FN1: variants seen among roughly 807,000 people sequenced by gnomAD.
FN1 encodes the protein fibronectin 1.
A neutral mutation model predicts 297.3 loss-of-function variants in FN1; 106 were observed. That is an observed-to-expected ratio of 0.36 (90% CI 0.30 to 0.42). The LOEUF is 0.42. Ranked by LOEUF, FN1 falls within the 10% of genes least tolerant of loss-of-function variation. The pLI is 1.00. For missense variants in FN1, 2,690 were observed against 3,124.9 expected (o/e 0.86, Z 3.32); for synonymous variants, 1,149 against 1,152.6 (o/e 1.00, Z 0.06).
intron 4 of FN1, among the ~76,000 whole-genome samples, chr2:215,431,500 ATTT>A (rs371579153): frequency 6.6e-6 from 1 of 151,458 alleles, no homozygotes; most frequent in Non-Finnish European, 1.5e-5. Flanking sequence ...CCAAAGTGTC[ATTT>A]TTTTTTCTTT....
At chr2:215,368,107 T>C in intron 41 of FN1, 80 bp from the exon 42 acceptor site, 4 of 1,402,848 alleles carry the variant, frequency 2.9e-6, no homozygotes, top group East Asian at 4.7e-5. Flanking sequence ...CGAATGACTG[T>C]ATACAATGAC....
chr2:215,415,111 C>T (rs970436502), intron 12 of FN1, among the ~76,000 whole-genome samples, 153 bp from the exon 13 acceptor site: 9 of 152,126 alleles, frequency 5.9e-5, no homozygotes, highest in Admixed American at 3.9e-4. Context: ...TAAATATTTA[C>T]GTTGAAAATC....
At chr2:215,385,438 T>C (rs1003895681) in intron 28 of FN1, among the ~76,000 whole-genome samples, 1 of 151,696 alleles carries the variant, frequency 6.6e-6, no homozygotes, top group Non-Finnish European at 1.5e-5. Context: ...GGCGGGCACC[T>C]GTAGTCCCAG....
intron 5 of FN1, among the ~76,000 whole-genome samples, chr2:215,430,269 T>A (rs2066263613): frequency 6.6e-6 from 1 of 152,158 alleles, no homozygotes; most frequent in Admixed American, 6.5e-5. Flanking sequence ...CCCAAGACAA[T>A]CTTAGAAGGA....
chr2:215,386,752 C>T lies in FN1; in HGVS notation c.4549G>A (p.Val1517Ile). Residue 1517 changes from valine (V) to isoleucine (I), a missense_variant, in exon 28 of 46, where the codon GTC becomes ATC. By Grantham distance (29) the Val-to-Ile change is conservative. Coordinates refer to ENST00000354785, the MANE Select transcript of FN1 (RefSeq NM_212482.4). Reference sequence around the variant, plus strand: ...CTGCCATTAAGAGCAACGATGCTGACCACATACTCTGTGCCTGGAGTGAGG... The same window carrying T: ...CTGCCATTAAGAGCAACGATGCTGATCACATACTCTGTGCCTGGAGTGAGG... ...TNLTPGTEYV[V>I]SIVALNGREE... 6.2e-7 allele frequency: 1 copy of T among 1,613,798 alleles called. No individual in the cohort carries two copies. Among genetic ancestry groups the T allele is most frequent in the Non-Finnish European group, 8.5e-7 (1 of 1,179,950 alleles).
At chr2:215,390,177 T>G (rs2059553085) in intron 26 of FN1, among the ~76,000 whole-genome samples, 1 of 150,792 alleles carries the variant, frequency 6.6e-6, no homozygotes, top group African/African-American at 2.5e-5. Flanking sequence ...GACGGCTTCA[T>G]GTTTATTTGT....
chr2:215,395,155 C>T (rs2692228), intron 23 of FN1, among the ~76,000 whole-genome samples: 93,612 of 152,044 alleles, frequency 0.62, 29,325 homozygotes, highest in East Asian at 0.89. Flanking sequence ...TATAGAATCG[C>T]TCTCCACCTT....
chr2:215,381,689 G>C (rs2058233602), intron 32 of FN1: 4 of 209,708 alleles, frequency 1.9e-5, no homozygotes, highest in Non-Finnish European at 3.9e-5. Flanking sequence ...GGTCAGGCTG[G>C]TCTCGAACTC....
chr2:215,404,334 T>G (rs572693779), intron 20 of FN1, 55 bp downstream of exon 20: 2 of 1,487,468 alleles, frequency 1.3e-6, no homozygotes, highest in East Asian at 2.2e-5. Context: ...TTTTAAAGCA[T>G]GAAGAATAGA....
chr2:215,365,966 A>ATTTTTTT (rs559516647), intron 42 of FN1, among the ~76,000 whole-genome samples: 19 of 90,326 alleles, frequency 2.1e-4, no homozygotes, highest in African/African-American at 3.3e-4. Context: ...CCACAGTGCT[A>ATTTTTTT]TTTTTTTTTT....
chr2:215,378,161 A>AT lies in FN1; in HGVS notation c.5710+13dup, dbSNP rs2057651555. 6.7e-7 allele frequency: 1 copy of AT among 1,495,592 alleles called. No homozygotes were observed. Among genetic ancestry groups the AT allele is most frequent in the Non-Finnish European group, 9.3e-7 (1 of 1,072,666 alleles). The allele number at this position is 1,495,592 out of a possible 1,614,324, so 92.6% of individuals were successfully genotyped here. On this transcript the variant is annotated intron_variant, in intron 35 of 45. Coordinates refer to ENST00000354785, the MANE Select transcript of FN1 (RefSeq NM_212482.4). ...ACAGAAGGTTTGTCCATATGAAGACATTTTGTTACTTACTCTCCAGAGTGG... is the reference window on the plus strand; with the variant it reads ...ACAGAAGGTTTGTCCATATGAAGACATTTTTGTTACTTACTCTCCAGAGTGG...
chr2:215,377,081 A>AGAGTGTGT (rs939001303), intron 35 of FN1, among the ~76,000 whole-genome samples: 2 of 147,340 alleles, frequency 1.4e-5, no homozygotes, highest in African/African-American at 5.0e-5. Context: ...AGAGAGAGAG[A>AGAGTGTGT]GTGTGTGTGT....
chr2:215,381,429 T>C, intron 32 of FN1: 1 of 350,398 alleles, frequency 2.9e-6, no homozygotes, highest in Non-Finnish European at 5.4e-6. Context: ...ACCTTGGAAG[T>C]GGTAAAGCTG....
At chr2:215,401,197 G>GA (rs1296600463) in intron 20 of FN1, among the ~76,000 whole-genome samples, 39 of 77,670 alleles carry the variant, frequency 5.0e-4, no homozygotes, top group African/African-American at 2.2e-3. Context: ...GAGAAAGAAA[G>GA]AAAAGAAAGA....
chr2:215,428,382 G>C (rs367685371), intron 5 of FN1, 44 bp from the exon 6 acceptor site: 14 of 1,581,402 alleles, frequency 8.9e-6, no homozygotes, highest in Non-Finnish European at 1.0e-5. Context: ...GTCGAGAGTC[G>C]CAAGTGGTCA....
chr2:215,391,617 C>T lies in FN1; in HGVS notation c.4252+15G>A. On this transcript the variant is annotated intron_variant, in intron 26 of 45. Coordinates refer to ENST00000354785, the MANE Select transcript of FN1 (RefSeq NM_212482.4). ...TAGGTTAATATTTATGGAACAGATA[C>T]ATTCAACTGCTTACTTGTTAAGACC... The T allele has an allele frequency of 1.2e-6, 2 of 1,602,740 alleles. No individual in the cohort carries two copies. The highest frequency in any genetic ancestry group is 8.6e-7 in the Non-Finnish European group (1 of 1,169,576).
chr2:215,403,515 T>C (rs1350344320), intron 20 of FN1, among the ~76,000 whole-genome samples: 4 of 152,196 alleles, frequency 2.6e-5, no homozygotes, highest in East Asian at 1.9e-4. Flanking sequence ...AAAGTACTTA[T>C]GTTAGGTGCT....
chr2:215,391,989 C>T (rs2059762123), intron 25 of FN1, 175 bp from the exon 26 acceptor site: 3 of 630,556 alleles, frequency 4.8e-6, no homozygotes, highest in East Asian at 5.6e-5. Flanking sequence ...AAAAATAAAA[C>T]ACTACACACA....
chr2:215,384,991 G>C lies in FN1; in HGVS notation c.4613-15C>G, dbSNP rs756274028. 1 of 1,547,610 alleles carries C rather than the reference G, an allele frequency of 6.5e-7. No homozygotes were observed. On this transcript the variant is annotated splice_polypyrimidine_tract_variant and intron_variant, in intron 28 of 45. Coordinates refer to ENST00000354785, the MANE Select transcript of FN1 (RefSeq NM_212482.4). Reference sequence around the variant, plus strand: ...AACATCAGAAACTAGAAAAAAAAGGGAAACTTTTCACATCCGTAATTTTCA... The same window carrying C: ...AACATCAGAAACTAGAAAAAAAAGGCAAACTTTTCACATCCGTAATTTTCA...
Sources: gnomAD v4.1 joint callset for allele counts (sites outside exome capture counted in the v4.1 genomes callset) on GRCh38, gnomAD v4.1.1 for gene constraint, MANE v1.5 for transcripts, NCBI Gene and HGNC (gene_info 2026-07-23, HGNC 2026-07-21) for gene names.